SVIL: variants seen among roughly 807,000 people sequenced by gnomAD.
SVIL encodes the protein archvillin.
SVIL carries 101 observed loss-of-function variants against 240.4 expected under a neutral mutation model. The observed-to-expected ratio is 0.42, with a 90% CI of 0.36 to 0.50. SVIL has a LOEUF of 0.50. Ranked by LOEUF, SVIL falls within the 20% of genes least tolerant of loss-of-function variation. The pLI, the probability that SVIL is intolerant of heterozygous loss-of-function variation, is 0.01. For synonymous variants in SVIL, 999 were observed against 1,100.0 expected (o/e 0.91, Z 1.82); for missense variants, 2,512 against 2,818.7 (o/e 0.89, Z 2.46).
rs150448295 is a variant in SVIL, at chr10:29,550,526, C to A, written c.827+71G>T. The A allele has an allele frequency of 3.2e-5, 46 of 1,452,758 alleles. No individual in the cohort carries two copies. The African/African-American group carries it at 6.3e-4, about 20-fold the overall frequency. 90.0% of individuals were successfully genotyped at this position (1,452,758 alleles called of 1,614,324 possible). A position where few individuals can be genotyped will look rare whatever the true frequency, so the allele number is the denominator to read the frequency against. ...ACATAATGCTTAGAATAGCCAAACCCTATCACACAGAGAGGCAAAAAGAAG... is the reference window on the plus strand; with the variant it reads ...ACATAATGCTTAGAATAGCCAAACCATATCACACAGAGAGGCAAAAAGAAG... On this transcript the variant is annotated intron_variant, in intron 6 of 37. Coordinates refer to ENST00000355867, the MANE Select transcript of SVIL (RefSeq NM_021738.3).
At chr10:29,558,329 T>C (rs749078892) in intron 3 of SVIL, among the ~76,000 whole-genome samples, 14 of 152,208 alleles carry the variant, frequency 9.2e-5, no homozygotes, top group Non-Finnish European at 1.9e-4. Context: ...TAAATTAAAT[T>C]GTCCTTTAAA....
At position 29,561,385 on chromosome 10, in the gene SVIL, C is replaced by T. The variant is rs144738825; in HGVS notation, c.-51+1816G>A. Among the ~76,000 whole-genome samples the T allele has an allele frequency of 1.9e-3, 293 of 152,034 alleles. 3 individuals are homozygous for T. Among genetic ancestry groups the T allele is most frequent in the South Asian group, 0.019 (92 of 4,820 alleles). ...ATTTTTCTGCTCATAATATTGTCTG[C>T]GGTATTATGCATCAAATAAAGGAAC... On this transcript the variant is annotated intron_variant, in intron 3 of 37. Transcript: ENST00000355867.
intron 6 of SVIL, among the ~76,000 whole-genome samples, chr10:29,549,939 G>C (rs1245931906): frequency 7.2e-6 from 1 of 139,348 alleles, no homozygotes; most frequent in African/African-American, 2.7e-5. Context: ...GAGTTAGTGG[G>C]TGCAACGCAC....
intron 29 of SVIL, among the ~76,000 whole-genome samples, chr10:29,478,419 T>C (rs936397799): frequency 6.6e-6 from 1 of 152,200 alleles, no homozygotes; most frequent in South Asian, 2.1e-4. Context: ...CTAAACGTCA[T>C]ATATACCTGA....
intron 17 of SVIL, among the ~76,000 whole-genome samples, chr10:29,500,695 A>G (rs1948813418): frequency 2.0e-5 from 3 of 152,154 alleles, no homozygotes. Context: ...TTCCTAAGGC[A>G]TTTTCCTTGG....
intron 3 of SVIL, chr10:29,644,019 A>G: frequency 1.9e-6 from 1 of 518,582 alleles, no homozygotes; most frequent in Non-Finnish European, 3.8e-6. Context: ...GAGTCTTGAG[A>G]GTAATCAGAG....
chr10:29,723,580 G>A (rs1276364320), intron 1 of SVIL, among the ~76,000 whole-genome samples: 1 of 152,026 alleles, frequency 6.6e-6, no homozygotes, highest in East Asian at 1.9e-4. Flanking sequence ...TATATAATAG[G>A]AGGAGGAAAA....
chr10:29,717,140 G>A (rs1963663646), intron 1 of SVIL, among the ~76,000 whole-genome samples: 1 of 148,458 alleles, frequency 6.7e-6, no homozygotes. Flanking sequence ...GGCTGAGGCA[G>A]GAGAATGGCG....
rs1394389490 is a variant in SVIL, at chr10:29,524,702, C to T, written c.2356G>A (p.Ala786Thr). 6.2e-7 allele frequency: 1 copy of T among 1,614,052 alleles called. No homozygotes were observed. Among genetic ancestry groups the T allele is most frequent in the African/African-American group, 1.3e-5 (1 of 74,994 alleles). Reference protein sequence around the residue: ...AVQPARLQASAHQKALAKDQT... With the variant: ...AVQPARLQASTHQKALAKDQT... ...TCCTTGGCTAAGGCCTTTTGGTGAG[C>T]AGAGGCCTGCAATCTGAAAAAAATA... The change falls in exon 14 of 38, where the codon GCT (alanine) becomes ACT (threonine). Residue 786 changes from alanine to threonine, a missense_variant. Transcript: ENST00000355867.
intron 1 of SVIL, among the ~76,000 whole-genome samples, chr10:29,721,392 T>G (rs72804848): frequency 1.5e-3 from 228 of 152,078 alleles, no homozygotes; most frequent in Non-Finnish European, 2.6e-3. Flanking sequence ...TAAACGTAAG[T>G]AATCTAAATA....
At chr10:29,592,548 C>T (rs1230498681) in intron 1 of SVIL, among the ~76,000 whole-genome samples, 1 of 152,086 alleles carries the variant, frequency 6.6e-6, no homozygotes, top group Non-Finnish European at 1.5e-5. Context: ...GTGAGACCTC[C>T]GTAATGGAGG....
At chr10:29,505,023 A>C (rs771469943) in intron 17 of SVIL, among the ~76,000 whole-genome samples, 1 of 152,214 alleles carries the variant, frequency 6.6e-6, no homozygotes, top group Non-Finnish European at 1.5e-5. Context: ...ACAAAGAAAA[A>C]AGCTTTCAAG....
intron 1 of SVIL, among the ~76,000 whole-genome samples, chr10:29,611,854 G>C (rs1344725153): frequency 6.6e-6 from 1 of 152,118 alleles, no homozygotes; most frequent in Non-Finnish European, 1.5e-5. Context: ...CAGCTTAAAG[G>C]CTTAAGACTG....
chr10:29,581,893 G>A (rs570732307), intron 1 of SVIL, among the ~76,000 whole-genome samples: 62 of 152,210 alleles, frequency 4.1e-4, no homozygotes, highest in Non-Finnish European at 7.9e-4. Context: ...TAAAAAGGAA[G>A]GAAATTCTGA....
intron 4 of SVIL, 21 bp downstream of exon 4, chr10:29,555,030 C>G (rs1213138930): frequency 6.2e-7 from 1 of 1,613,186 alleles, no homozygotes; most frequent in Admixed American, 1.7e-5. Context: ...TACTTCCTAA[C>G]TCCCACTATA....
intron 1 of SVIL, among the ~76,000 whole-genome samples, chr10:29,716,486 C>G (rs1963618545): frequency 6.6e-6 from 1 of 152,108 alleles, no homozygotes; most frequent in Non-Finnish European, 1.5e-5. Context: ...CAAAAAGCAA[C>G]ATAATCAATG....
intron 2 of SVIL, among the ~76,000 whole-genome samples, chr10:29,677,274 G>A (rs1474394844): frequency 6.6e-6 from 1 of 152,128 alleles, no homozygotes; most frequent in Non-Finnish European, 1.5e-5. Context: ...AGCATGCAAT[G>A]TGAACGATGC....
At chr10:29,594,761 T>A (rs1259350839) in intron 1 of SVIL, among the ~76,000 whole-genome samples, 1 of 152,128 alleles carries the variant, frequency 6.6e-6, no homozygotes, top group African/African-American at 2.4e-5. Flanking sequence ...TTCGCCATAT[T>A]GCCTAGGCCA....
intron 36 of SVIL, among the ~76,000 whole-genome samples, chr10:29,460,961 A>T (rs570553062): frequency 6.6e-6 from 1 of 152,172 alleles, no homozygotes; most frequent in South Asian, 2.1e-4. Flanking sequence ...ATGATGCCTA[A>T]CCAACCCCCC....
Sources: gnomAD v4.1 joint callset for allele counts (sites outside exome capture counted in the v4.1 genomes callset) on GRCh38, gnomAD v4.1.1 for gene constraint, MANE v1.5 for transcripts, NCBI Gene and HGNC (gene_info 2026-07-23, HGNC 2026-07-21) for gene names.